CDH13: variants seen among roughly 807,000 people sequenced by gnomAD.
The protein encoded by CDH13 is cadherin 13.
CDH13 carries 24 observed loss-of-function variants against 63.8 expected under a neutral mutation model. That is an observed-to-expected ratio of 0.38 (90% CI 0.27 to 0.53). The LOEUF is 0.53. CDH13 is among the 20% of genes least tolerant of loss of function. The pLI is 0.85. For missense variants in CDH13, 1,049 were observed against 903.1 expected (o/e 1.16, Z -2.07); for synonymous variants, 503 against 355.3 (o/e 1.42, Z -4.67).
At position 83,035,632 on chromosome 16, in the gene CDH13, C is replaced by T. The variant is rs143217051; in HGVS notation, c.366+3414C>T. ...CAGCCTGGCCCCTGAGTCCGTGCCT[C>T]CAACCCCTGCATGAGCTGGACTTTG... On this transcript the variant is annotated intron_variant, in intron 3 of 13. Coordinates refer to ENST00000567109, the MANE Select transcript of CDH13 (RefSeq NM_001257.5). Among the ~76,000 whole-genome samples, 1,124 of 152,278 alleles carry T rather than the reference C, an allele frequency of 7.4e-3. 9 individuals carry two copies. The highest frequency in any genetic ancestry group is 0.026 in the African/African-American group (1,067 of 41,556).
chr16:83,265,121 C>T (rs1001981361), intron 5 of CDH13, among the ~76,000 whole-genome samples: 6 of 152,094 alleles, frequency 3.9e-5, no homozygotes, highest in Admixed American at 2.0e-4. Context: ...TGTCTCAAGT[C>T]GTCTGTTTGT....
At chr16:82,707,187 A>G (rs538016921) in intron 1 of CDH13, among the ~76,000 whole-genome samples, 1 of 152,270 alleles carries the variant, frequency 6.6e-6, no homozygotes, top group Non-Finnish European at 1.5e-5. Context: ...TTAACTAATT[A>G]ACACCAATTC....
intron 5 of CDH13, among the ~76,000 whole-genome samples, chr16:83,319,165 T>C (rs887473097): frequency 6.6e-6 from 1 of 152,172 alleles, no homozygotes; most frequent in African/African-American, 2.4e-5. Context: ...TGTTGTCTCT[T>C]ATAGAACTAT....
chr16:83,107,898 C>T (rs1157070750), intron 3 of CDH13, among the ~76,000 whole-genome samples: 1 of 151,978 alleles, frequency 6.6e-6, no homozygotes, highest in African/African-American at 2.4e-5. Flanking sequence ...CGGCTCACTG[C>T]AACATCCGCC....
At chr16:83,058,316 C>T (rs1351094982) in intron 3 of CDH13, among the ~76,000 whole-genome samples, 1 of 152,134 alleles carries the variant, frequency 6.6e-6, no homozygotes. Flanking sequence ...CAGGTAGCAG[C>T]GCCTCCACGT....
intron 9 of CDH13, among the ~76,000 whole-genome samples, chr16:83,674,382 G>A (rs1914776419): frequency 6.6e-6 from 1 of 152,204 alleles, no homozygotes; most frequent in Admixed American, 6.5e-5. Context: ...GAAACAAGGA[G>A]GCAGCCAGGC....
chr16:82,926,403 AGATCCT>A (rs1378014375), intron 2 of CDH13, among the ~76,000 whole-genome samples: 1 of 152,214 alleles, frequency 6.6e-6, no homozygotes, highest in East Asian at 1.9e-4. Flanking sequence ...GAAAGTTTAG[AGATCCT>A]GAGTTGGAAC....
At chr16:82,742,696 G>A (rs769032842) in intron 1 of CDH13, among the ~76,000 whole-genome samples, 1 of 152,164 alleles carries the variant, frequency 6.6e-6, no homozygotes, top group African/African-American at 2.4e-5. Flanking sequence ...GGAATATGAT[G>A]TATAATTTCC....
chr16:82,630,857 T>G (rs1567571866), intron 1 of CDH13, among the ~76,000 whole-genome samples: 1 of 152,246 alleles, frequency 6.6e-6, no homozygotes, highest in Non-Finnish European at 1.5e-5. Context: ...TGTACATCTC[T>G]GCATTTTGAT....
Position 83,092,826 on chromosome 16 carries a change from T to A in CDH13, c.367-32559T>A, listed in dbSNP as rs189462243. Among the ~76,000 whole-genome samples the A allele has an allele frequency of 1.9e-4, 29 of 152,322 alleles. 1 individual carries two copies. In the East Asian group the frequency reaches 5.6e-3, roughly 29 times the overall value. On this transcript the variant is annotated intron_variant, in intron 3 of 13. Coordinates refer to ENST00000567109, the MANE Select transcript of CDH13 (RefSeq NM_001257.5). ...CCCAAGAGACTCCAAATTTAGTACA[T>A]TAATTTTTCTTAAGTATAACATTGC...
At chr16:82,989,439 A>G (rs957349439) in intron 2 of CDH13, among the ~76,000 whole-genome samples, 1 of 152,216 alleles carries the variant, frequency 6.6e-6, no homozygotes, top group African/African-American at 2.4e-5. Context: ...AAGAAGCCAC[A>G]TGTCCCAGGA....
chr16:82,838,261 G>A (rs4517791), intron 1 of CDH13, among the ~76,000 whole-genome samples: 46,295 of 152,010 alleles, frequency 0.3, 8,524 homozygotes, highest in East Asian at 0.8. Flanking sequence ...TTTTATTCTT[G>A]TTCATGGGTA....
intron 8 of CDH13, among the ~76,000 whole-genome samples, chr16:83,645,134 A>C (rs57402436): frequency 6.6e-6 from 1 of 152,110 alleles, no homozygotes; most frequent in Admixed American, 6.5e-5. Context: ...TAGCAAGGTC[A>C]TGGAACCAAC....
chr16:83,748,103 T>C lies in CDH13; in HGVS notation c.1539-5T>C. On this transcript the variant is annotated splice_polypyrimidine_tract_variant and splice_region_variant and intron_variant, in intron 10 of 13. Coordinates refer to ENST00000567109, the MANE Select transcript of CDH13 (RefSeq NM_001257.5). The stretch of plus-strand genomic sequence containing the variant: ...AGAGTCTGACATTGTGGGGATTTTT[T>C]TCAGGTATTCTGTTTACAAGGACCC... 1 of 1,613,914 alleles carries C rather than the reference T, an allele frequency of 6.2e-7. No individual in the cohort carries two copies. Among genetic ancestry groups the C allele is most frequent in the East Asian group, 2.2e-5 (1 of 44,870 alleles).
At chr16:83,279,966 A>G (rs1304831291) in intron 5 of CDH13, among the ~76,000 whole-genome samples, 2 of 152,234 alleles carry the variant, frequency 1.3e-5, no homozygotes, top group Non-Finnish European at 1.5e-5. Flanking sequence ...CGTTATAACT[A>G]AGAAAGTGCT....
intron 1 of CDH13, among the ~76,000 whole-genome samples, chr16:82,847,353 G>A (rs1047055174): frequency 6.6e-6 from 1 of 152,140 alleles, no homozygotes; most frequent in Non-Finnish European, 1.5e-5. Flanking sequence ...TTCTTTTCTG[G>A]AGTCTCATGG....
intron 1 of CDH13, among the ~76,000 whole-genome samples, chr16:82,818,402 A>G (rs1375745473): frequency 1.3e-5 from 2 of 152,176 alleles, no homozygotes; most frequent in Admixed American, 1.3e-4. Context: ...CAACAACAAG[A>G]AAGAAGGAAC....
rs1272779883 is a variant in CDH13 at position 83,334,361 on chromosome 16, T to TCTCACA, written c.637-10500_637-10499insTCACAC. Reference sequence around the variant, plus strand: ...TTCTCCCTCTCTCTCTCTCTCTCTCTCACACACACACACACACACACACAC... The same window carrying TCTCACA: ...TTCTCCCTCTCTCTCTCTCTCTCTCTCTCACACACACACACACACACACACACACAC... On this transcript the variant is annotated intron_variant, in intron 5 of 13. Transcript: ENST00000567109. 9.1e-3 allele frequency among the ~76,000 whole-genome samples: 781 copies of TCTCACA among 85,594 alleles called. 15 individuals are homozygous for TCTCACA. The highest frequency in any genetic ancestry group is 0.054 in the South Asian group (109 of 2,022). 56.2% of individuals were successfully genotyped at this position (85,594 alleles called of 152,430 possible). A position where few individuals can be genotyped will look rare whatever the true frequency, so the allele number is the denominator to read the frequency against.
chr16:83,070,953 C>T (rs1319253957), intron 3 of CDH13, among the ~76,000 whole-genome samples: 2 of 148,650 alleles, frequency 1.3e-5, no homozygotes, highest in Non-Finnish European at 3.0e-5. Context: ...TTATGCTTCA[C>T]GCAGTCATGC....
Sources: gnomAD v4.1 joint callset for allele counts (sites outside exome capture counted in the v4.1 genomes callset) on GRCh38, gnomAD v4.1.1 for gene constraint, MANE v1.5 for transcripts, NCBI Gene and HGNC (gene_info 2026-07-23, HGNC 2026-07-21) for gene names.